EIF3I: variants seen among roughly 807,000 people sequenced by gnomAD.
EIF3I encodes the protein TGF-beta receptor-interacting protein 1.
Under a neutral mutation model 43.3 loss-of-function variants are expected in EIF3I, and 20 were observed. The observed-to-expected ratio is 0.46, with a 90% CI of 0.32 to 0.67. EIF3I has a LOEUF of 0.67. Ranked by LOEUF, EIF3I falls within the 30% of genes least tolerant of loss-of-function variation. The pLI is 0.03. For synonymous variants in EIF3I, 167 were observed against 151.7 expected, an observed-to-expected ratio of 1.10 and a Z score of -0.74; for missense variants, 279 against 421.4, an observed-to-expected ratio of 0.66 and a Z score of 2.96.
intron 2 of EIF3I, among the ~76,000 whole-genome samples, chr1:32,223,744 C>G (rs1639084098): frequency 6.6e-6 from 1 of 152,206 alleles, no homozygotes. Context: ...TTTTTCTGGA[C>G]TGGAGCTCAA....
At chr1:32,223,196 G>A (rs1639061573) in intron 2 of EIF3I, among the ~76,000 whole-genome samples, 1 of 152,222 alleles carries the variant, frequency 6.6e-6, no homozygotes, top group South Asian at 2.1e-4. Flanking sequence ...TAATGAGGGT[G>A]TCTCTAGTCT....
rs1216197071 is a variant in EIF3I, at chr1:32,226,824, C to CTTT, written c.528+318_528+320dup. Among the ~76,000 whole-genome samples, 13 of 78,634 alleles carry CTTT rather than the reference C, an allele frequency of 1.7e-4. 1 individual carries two copies. The highest frequency in any genetic ancestry group is 6.1e-4 in the South Asian group (1 of 1,648). The allele number at this position is 78,634 out of a possible 152,430, so 51.6% of individuals were successfully genotyped here. On this transcript the variant is annotated intron_variant, in intron 6 of 11. Coordinates refer to ENST00000676679, the Ensembl canonical transcript of EIF3I. Reference sequence around the variant, plus strand: ...ACCTCAGGCAGTCCACCGCTCGTGGCTTTTTTTTTTTTTTTTTTTTTTTTT... The same window carrying CTTT: ...ACCTCAGGCAGTCCACCGCTCGTGGCTTTTTTTTTTTTTTTTTTTTTTTTTTTT...
chr1:32,224,358 A>G (rs1025355815), intron 3 of EIF3I, 52 bp from the exon 4 acceptor site: 6 of 1,517,736 alleles, frequency 4.0e-6, no homozygotes, highest in East Asian at 2.3e-5. Context: ...TTGGCATCCC[A>G]AGAGGACAAG....
At chr1:32,226,733 AT>A (rs1359357814) in intron 6 of EIF3I, among the ~76,000 whole-genome samples, 3 of 145,516 alleles carry the variant, frequency 2.1e-5, no homozygotes, top group South Asian at 4.4e-4. Flanking sequence ...CACCTGGCTA[AT>A]TTTTTTTGTA....
At chr1:32,228,399 G>A in intron 6 of EIF3I, 100 bp from the exon 7 acceptor site, 1 of 945,920 alleles carries the variant, frequency 1.1e-6, no homozygotes, top group Non-Finnish European at 1.7e-6. Context: ...AAAACACAAA[G>A]TCCATGCTGT....
At chr1:32,225,927 A>C (rs1488992975) in intron 4 of EIF3I, among the ~76,000 whole-genome samples, 1 of 152,070 alleles carries the variant, frequency 6.6e-6, no homozygotes, top group Non-Finnish European at 1.5e-5. Context: ...AGGCTGAGGC[A>C]GGAGAATGGC....
intron 4 of EIF3I, 92 bp from the exon 5 acceptor site, chr1:32,226,079 A>G: frequency 7.4e-6 from 11 of 1,495,480 alleles, no homozygotes; most frequent in Non-Finnish European, 1.0e-5. Context: ...CACTGGAGCA[A>G]GACAAACAGT....
At chr1:32,229,547 CT>C (rs1199129615) in intron 9 of EIF3I, among the ~76,000 whole-genome samples, 5,915 of 104,506 alleles carry the variant, frequency 0.057, 80 homozygotes, top group East Asian at 0.091. Flanking sequence ...CGTGCCCAGC[CT>C]TTTTTTTTTT....
At chr1:32,231,173 T>A (rs1466451723) in exon 12 of EIF3I, 1 of 1,613,888 alleles carries the variant, frequency 6.2e-7, no homozygotes, top group South Asian at 1.1e-5. Context: ...CCCACAGTAC[T>A]TCGAATTTGA....
chr1:32,228,693 C>T, intron 7 of EIF3I, 34 bp from the exon 8 acceptor site: 1 of 1,601,712 alleles, frequency 6.2e-7, no homozygotes, highest in Non-Finnish European at 8.6e-7. Flanking sequence ...CAGGAAAGCT[C>T]TTTACAGATT....
At chr1:32,231,218 C>T (rs752887320) in exon 12 of EIF3I, 16 of 1,609,466 alleles carry the variant, frequency 9.9e-6, no homozygotes, top group Admixed American at 6.7e-5. Flanking sequence ...TCCTGCCGGG[C>T]GTGGTGGCTC....
chr1:32,231,864 T>C (rs938426013), downstream of EIF3I: 1 of 152,792 alleles, frequency 6.5e-6, no homozygotes, highest in African/African-American at 2.4e-5. Context: ...GCTGAAGCAG[T>C]TGGCTGAGAG....
At chr1:32,229,707 C>T (rs1411897063) in intron 9 of EIF3I, among the ~76,000 whole-genome samples, 8 of 151,846 alleles carry the variant, frequency 5.3e-5, no homozygotes, top group Non-Finnish European at 1.2e-4. Context: ...CCCATGACCA[C>T]GCCTGGCTAA....
In EIF3I at chr1:32,223,310, G is replaced by GTC. The variant is rs201060428; in HGVS notation, c.96+683_96+684dup. Among the ~76,000 whole-genome samples, 1,237 of 152,256 alleles carry GTC rather than the reference G, an allele frequency of 8.1e-3. 28 individuals carry two copies. The highest frequency in any genetic ancestry group is 0.029 in the African/African-American group (1,188 of 41,522). On this transcript the variant is annotated intron_variant, in intron 2 of 11. Coordinates refer to ENST00000676679, the Ensembl canonical transcript of EIF3I. ...TTATTTTATTTTTTCTTGAGACGGA[G>GTC]TCTCGCTCTGTCGCCTAGGCTGGAG...
chr1:32,226,477 G>A, exon 6 of EIF3I: 1 of 1,595,606 alleles, frequency 6.3e-7, no homozygotes, highest in Non-Finnish European at 8.5e-7. Flanking sequence ...ACCCCTGGGG[G>A]AGTGCATCAT....
At chr1:32,222,592 C>G (rs1427980505) in exon 2 of EIF3I, 1 of 1,614,158 alleles carries the variant, frequency 6.2e-7, no homozygotes, top group South Asian at 1.1e-5. Flanking sequence ...TAAGTATAAC[C>G]GCGAAGGAGA....
At chr1:32,230,968 A>C in exon 11 of EIF3I, 1 of 1,601,406 alleles carries the variant, frequency 6.2e-7, no homozygotes, top group Non-Finnish European at 8.5e-7. Context: ...GGAAGAGTCA[A>C]GGGTCACTTT....
At chr1:32,227,938 T>C (rs920370725) in intron 6 of EIF3I, among the ~76,000 whole-genome samples, 8 of 152,138 alleles carry the variant, frequency 5.3e-5, no homozygotes, top group Admixed American at 3.3e-4. Context: ...AGCACCTGAG[T>C]CAGATTGTGA....
At chr1:32,228,236 TAAAGGGTTATC>T (rs1639177512) in intron 6 of EIF3I, among the ~76,000 whole-genome samples, 2 of 152,164 alleles carry the variant, frequency 1.3e-5, no homozygotes, top group Non-Finnish European at 2.9e-5. Flanking sequence ...AGGGAATCTT[TAAAGGGTTATC>T]AATGGCCAGA....
Sources: allele counts gnomAD v4.1 joint callset (sites outside exome capture counted in the v4.1 genomes callset), GRCh38; gene constraint gnomAD v4.1.1; transcripts MANE v1.5; gene names NCBI Gene and HGNC (gene_info 2026-07-23, HGNC 2026-07-21).